VPS45: variants seen among roughly 807,000 people sequenced by gnomAD.
The protein encoded by VPS45 is vacuolar protein sorting 45 homolog.
A neutral mutation model predicts 75.9 loss-of-function variants in VPS45; 35 were observed. The ratio of observed to expected loss-of-function variants is 0.46; its 90% CI spans 0.35 to 0.61. The LOEUF is 0.61. VPS45 is among the 20% of genes least tolerant of loss of function. The pLI is 0.00. For missense variants in VPS45, 559 were observed against 685.9 expected (o/e 0.81, Z 2.07); for synonymous variants, 220 against 238.2 (o/e 0.92, Z 0.70).
At chr1:150,098,835 T>G (rs1656808288) in intron 13 of VPS45, 1 of 1,266,394 alleles carries the variant, frequency 7.9e-7, no homozygotes, top group South Asian at 1.3e-5. Context: ...AGCTAATTTT[T>G]TTTTCTCACT....
chr1:150,117,468 G>C (rs1340725655), intron 14 of VPS45, among the ~76,000 whole-genome samples: 1 of 151,886 alleles, frequency 6.6e-6, no homozygotes, highest in Non-Finnish European at 1.5e-5. Context: ...GTTGCAGTGA[G>C]CCGAGATCGC....
In VPS45 at chr1:150,126,166, T is replaced by A. The variant is rs1559939493; in HGVS notation, c.1625+15539T>A. Among the ~76,000 whole-genome samples, 8 of 152,076 alleles carry A rather than the reference T, an allele frequency of 5.3e-5. No homozygotes were observed. In the South Asian group the frequency reaches 1.5e-3, roughly 28 times the overall value. On this transcript the variant is annotated intron_variant, in intron 14 of 14. Coordinates refer to ENST00000644510, the MANE Select transcript of VPS45 (RefSeq NM_007259.5). ...TAGAAAGCAATTTAGCATTATATATTCTAAGGTATGGGATTAATTTCATGG... is the reference window on the plus strand; with the variant it reads ...TAGAAAGCAATTTAGCATTATATATACTAAGGTATGGGATTAATTTCATGG...
intron 10 of VPS45, among the ~76,000 whole-genome samples, chr1:150,089,008 C>T (rs1483802356): frequency 1.3e-5 from 2 of 152,114 alleles, no homozygotes; most frequent in Admixed American, 6.5e-5. Flanking sequence ...AATGGCTGTA[C>T]TAATTTACAT....
At chr1:150,138,110 TCTC>T (rs1273869535) in intron 14 of VPS45, among the ~76,000 whole-genome samples, 1 of 151,990 alleles carries the variant, frequency 6.6e-6, no homozygotes, top group East Asian at 1.9e-4. Context: ...ATCCACATAT[TCTC>T]CTCAACTACT....
chr1:150,115,412 T>G (rs1238417744), intron 14 of VPS45, among the ~76,000 whole-genome samples: 1 of 152,220 alleles, frequency 6.6e-6, no homozygotes, highest in Non-Finnish European at 1.5e-5. Context: ...TTTGTTAGTA[T>G]CCTCTTTTTT....
chr1:150,126,093 G>A (rs587752375), intron 14 of VPS45, among the ~76,000 whole-genome samples: 1 of 152,126 alleles, frequency 6.6e-6, no homozygotes, highest in Admixed American at 6.5e-5. Flanking sequence ...CGTATAGTGA[G>A]GCAGTCTGAA....
At chr1:150,126,476 G>A (rs2101639007) in intron 14 of VPS45, among the ~76,000 whole-genome samples, 1 of 151,954 alleles carries the variant, frequency 6.6e-6, no homozygotes, top group South Asian at 2.1e-4. Flanking sequence ...GCCTCCCAAA[G>A]TGCTGGGATT....
At chr1:150,122,565 A>G (rs1553809843) in intron 14 of VPS45, among the ~76,000 whole-genome samples, 2 of 151,742 alleles carry the variant, frequency 1.3e-5, no homozygotes, top group African/African-American at 4.8e-5. Context: ...GTTAGAGAGC[A>G]CTTTTGGGTT....
At chr1:150,084,953 C>T (rs1655925810) in intron 10 of VPS45, among the ~76,000 whole-genome samples, 1 of 152,074 alleles carries the variant, frequency 6.6e-6, no homozygotes, top group Admixed American at 6.6e-5. Flanking sequence ...AGAAAGAAGT[C>T]TACCTGTGGG....
At chr1:150,115,334 G>A (rs1465914683) in intron 14 of VPS45, among the ~76,000 whole-genome samples, 1 of 152,042 alleles carries the variant, frequency 6.6e-6, no homozygotes, top group Admixed American at 6.5e-5. Flanking sequence ...TGTCTACTAA[G>A]TCCACTAATA....
At chr1:150,074,955 C>CTTTTTTTT (rs782039324) in intron 3 of VPS45, among the ~76,000 whole-genome samples, 18 of 81,112 alleles carry the variant, frequency 2.2e-4, no homozygotes, top group South Asian at 8.6e-4. Flanking sequence ...ATTATTTATT[C>CTTTTTTTT]TTTTTTTTTT....
chr1:150,088,950 A>G (rs188435870), intron 10 of VPS45, among the ~76,000 whole-genome samples: 97 of 152,332 alleles, frequency 6.4e-4, no homozygotes, highest in Middle Eastern at 3.4e-3. Flanking sequence ...TAAATCATAT[A>G]GTAGTTCTAT....
chr1:150,085,631 T>A (rs1325421320), intron 10 of VPS45, among the ~76,000 whole-genome samples: 4 of 152,056 alleles, frequency 2.6e-5, no homozygotes, highest in Non-Finnish European at 5.9e-5. Context: ...CTAGAGGGGT[T>A]ATAGCATTCC....
intron 14 of VPS45, among the ~76,000 whole-genome samples, chr1:150,130,715 G>A (rs1553812184): frequency 6.6e-6 from 1 of 152,066 alleles, no homozygotes; most frequent in Non-Finnish European, 1.5e-5. Context: ...AACAAATATT[G>A]TTTGATATTG....
At chr1:150,124,739 A>G (rs1423105232) in intron 14 of VPS45, among the ~76,000 whole-genome samples, 1 of 117,260 alleles carries the variant, frequency 8.5e-6, no homozygotes, top group Non-Finnish European at 1.8e-5. Flanking sequence ...TTGTATTTTT[A>G]GTAGAGATGG....
chr1:150,070,042 C>T (rs150361460), intron 2 of VPS45, among the ~76,000 whole-genome samples: 5 of 152,122 alleles, frequency 3.3e-5, no homozygotes, highest in Non-Finnish European at 7.3e-5. Flanking sequence ...TTCCCCTTGT[C>T]CCGTCATGCC....
chr1:150,104,234 G>A (rs587686255), intron 13 of VPS45, among the ~76,000 whole-genome samples: 1 of 152,086 alleles, frequency 6.6e-6, no homozygotes, highest in Non-Finnish European at 1.5e-5. Context: ...ATGTCCATGT[G>A]TACCTGCCAT....
At chr1:150,123,269 T>C (rs1260131380) in intron 14 of VPS45, among the ~76,000 whole-genome samples, 1 of 152,238 alleles carries the variant, frequency 6.6e-6, no homozygotes, top group Non-Finnish European at 1.5e-5. Context: ...CATTCATCAA[T>C]TGATGGACAT....
chr1:150,088,184 C>A (rs587600654), intron 10 of VPS45, among the ~76,000 whole-genome samples: 1 of 152,126 alleles, frequency 6.6e-6, no homozygotes, highest in African/African-American at 2.4e-5. Flanking sequence ...TGCTATCTAA[C>A]TGTAGCTTTG....
Sources: allele counts gnomAD v4.1 joint callset (sites outside exome capture counted in the v4.1 genomes callset), GRCh38; gene constraint gnomAD v4.1.1; transcripts MANE v1.5; gene names NCBI Gene and HGNC (gene_info 2026-07-23, HGNC 2026-07-21).